MTUS1: variants seen among roughly 807,000 people sequenced by gnomAD.
The protein encoded by MTUS1 is microtubule associated scaffold protein 1.
A neutral mutation model predicts 120.8 loss-of-function variants in MTUS1; 109 were observed. The observed-to-expected ratio is 0.90, with a 90% CI of 0.77 to 1.06. MTUS1 has a LOEUF of 1.06. Among genes scored for constraint, MTUS1 ranks in the 50% least tolerant of loss-of-function variants. The pLI, the probability that MTUS1 is intolerant of heterozygous loss-of-function variation, is 0.00. For synonymous variants in MTUS1, 737 were observed against 550.5 expected (o/e 1.34, Z -4.74); for missense variants, 2,210 against 1,486.3 (o/e 1.49, Z -8.01).
intron 1 of MTUS1, among the ~76,000 whole-genome samples, chr8:17,790,533 T>A (rs904277578): frequency 6.6e-6 from 1 of 152,090 alleles, no homozygotes; most frequent in Non-Finnish European, 1.5e-5. Context: ...GTAAGTGGAA[T>A]TCATGATTGT....
intron 3 of MTUS1, among the ~76,000 whole-genome samples, chr8:17,730,230 C>A (rs2131166986): frequency 6.6e-6 from 1 of 152,280 alleles, no homozygotes; most frequent in South Asian, 2.1e-4. Context: ...GTAATCCCAG[C>A]ACTTTGGGAG....
intron 6 of MTUS1, among the ~76,000 whole-genome samples, chr8:17,698,793 C>T (rs988638658): frequency 2.0e-5 from 3 of 152,072 alleles, no homozygotes; most frequent in Non-Finnish European, 4.4e-5. Flanking sequence ...GAGACAGACC[C>T]AATAACCTGT....
rs199816797 is a variant in MTUS1, at chr8:17,754,809, C to T, written c.999G>A (p.Met333Ile). Residue 333 changes from methionine (M) to isoleucine (I), a missense_variant, in exon 2 of 15, where the codon ATG becomes ATA. Met to Ile is a conservative substitution (Grantham distance 10). Coordinates refer to ENST00000693296, the MANE Select transcript of MTUS1 (RefSeq NM_001363059.2). ...HSQSSYRHKE[M>I]GQNLRETVSY... The stretch of plus-strand genomic sequence containing the variant: ...ACACTGTCTCTCTCAGATTTTGGCC[C>T]ATTTCCTTGTGCCTGTATGAGCTCT... 1 of 1,614,082 alleles carries T rather than the reference C, an allele frequency of 6.2e-7. No homozygotes were observed. The highest frequency in any genetic ancestry group is 1.3e-5 in the African/African-American group (1 of 74,916).
intron 3 of MTUS1, among the ~76,000 whole-genome samples, chr8:17,730,599 C>G (rs1319754102): frequency 6.6e-6 from 1 of 151,994 alleles, no homozygotes; most frequent in Admixed American, 6.6e-5. Context: ...TGTTCACAGG[C>G]AGATGAACGA....
At chr8:17,702,739 C>T (rs1819348689) in intron 6 of MTUS1, among the ~76,000 whole-genome samples, 1 of 152,164 alleles carries the variant, frequency 6.6e-6, no homozygotes, top group African/African-American at 2.4e-5. Context: ...TACTCCAGTG[C>T]ACATATATGC....
At chr8:17,725,037 T>C (rs2046123092) in intron 3 of MTUS1, among the ~76,000 whole-genome samples, 1 of 152,132 alleles carries the variant, frequency 6.6e-6, no homozygotes, top group Non-Finnish European at 1.5e-5. Flanking sequence ...ATTACAGGTG[T>C]AAACCACCCC....
At chr8:17,786,869 C>A (rs995761444) in intron 1 of MTUS1, among the ~76,000 whole-genome samples, 1 of 152,218 alleles carries the variant, frequency 6.6e-6, no homozygotes, top group African/African-American at 2.4e-5. Context: ...GGCCACAGTA[C>A]ATCAGTTCTT....
At chr8:17,660,875 AT>A (rs763096851) in intron 8 of MTUS1, among the ~76,000 whole-genome samples, 1 of 152,212 alleles carries the variant, frequency 6.6e-6, no homozygotes, top group Non-Finnish European at 1.5e-5. Context: ...AGCCTTGGTG[AT>A]TAAGAAACTC....
chr8:17,674,171 C>T (rs895906133), intron 8 of MTUS1, among the ~76,000 whole-genome samples: 1 of 151,946 alleles, frequency 6.6e-6, no homozygotes, highest in African/African-American at 2.4e-5. Context: ...GGTGCGGTGG[C>T]TCACACCTAT....
intron 6 of MTUS1, chr8:17,697,139 T>C (rs1299796222): frequency 7.7e-7 from 1 of 1,296,468 alleles, no homozygotes; most frequent in African/African-American, 1.5e-5. Context: ...CATCTCTCAT[T>C]AGAGAGAGCT....
chr8:17,646,896 G>T (rs1805907017), intron 14 of MTUS1, 86 bp downstream of exon 14: 9 of 884,358 alleles, frequency 1.0e-5, no homozygotes, highest in Non-Finnish European at 1.7e-5. Context: ...TTTCCAGGAG[G>T]TGCAGGGGTA....
intron 6 of MTUS1, among the ~76,000 whole-genome samples, chr8:17,695,186 T>C (rs960840740): frequency 1.1e-4 from 17 of 152,170 alleles, no homozygotes; most frequent in Admixed American, 1.0e-3. Context: ...CAAAGACTGA[T>C]ATTGGGAGTA....
chr8:17,775,354 C>T (rs557511689), intron 1 of MTUS1, among the ~76,000 whole-genome samples: 1 of 152,164 alleles, frequency 6.6e-6, no homozygotes, highest in Admixed American at 6.5e-5. Context: ...TCCCAATCTA[C>T]AGAATAGGAG....
At chr8:17,715,976 C>T in intron 4 of MTUS1, 75 bp from the exon 5 acceptor site, 5 of 1,412,950 alleles carry the variant, frequency 3.5e-6, no homozygotes, top group Non-Finnish European at 4.8e-6. Flanking sequence ...ATTCCTTTGT[C>T]CTTGAACCAA....
At chr8:17,748,718 G>A (rs1479558844) in intron 2 of MTUS1, among the ~76,000 whole-genome samples, 5 of 150,418 alleles carry the variant, frequency 3.3e-5, no homozygotes, top group African/African-American at 9.9e-5. Context: ...GCCCGCAAGA[G>A]GTTGAGCATG....
At chr8:17,675,411 C>T (rs1292456664) in intron 7 of MTUS1, 159 bp from the exon 8 acceptor site, 1 of 596,892 alleles carries the variant, frequency 1.7e-6, no homozygotes, top group Non-Finnish European at 2.9e-6. Context: ...ACACAGTTGT[C>T]CCTTAGCTGT....
At chr8:17,692,123 A>G (rs1563211834) in intron 6 of MTUS1, 2 of 152,368 alleles carry the variant, frequency 1.3e-5, no homozygotes, top group South Asian at 2.1e-4. Flanking sequence ...TAATCGGCCA[A>G]CATCCGCTTG....
chr8:17,696,354 T>C (rs1182899318), intron 6 of MTUS1, among the ~76,000 whole-genome samples: 1 of 151,830 alleles, frequency 6.6e-6, no homozygotes, highest in East Asian at 1.9e-4. Flanking sequence ...GGGACAGAGA[T>C]GAGCCACGTG....
At chr8:17,662,349 A>AT (rs35308070) in intron 8 of MTUS1, among the ~76,000 whole-genome samples, 3,749 of 112,486 alleles carry the variant, frequency 0.033, 197 homozygotes, top group African/African-American at 0.09. Flanking sequence ...TTTTGTCCCT[A>AT]TTTTTTTTTT....
Sources: allele counts gnomAD v4.1 joint callset (sites outside exome capture counted in the v4.1 genomes callset), GRCh38; gene constraint gnomAD v4.1.1; transcripts MANE v1.5; gene names NCBI Gene and HGNC (gene_info 2026-07-23, HGNC 2026-07-21).